ATRN: variants seen among roughly 807,000 people sequenced by gnomAD.
ATRN encodes the protein attractin, also known as attractin-2.
A neutral mutation model predicts 178.7 loss-of-function variants in ATRN; 54 were observed. That is an observed-to-expected ratio of 0.30 (90% CI 0.24 to 0.38). The LOEUF is 0.38. Among genes scored for constraint, ATRN ranks in the 10% least tolerant of loss-of-function variants. The pLI is 1.00. For synonymous variants in ATRN, 636 were observed against 663.0 expected (o/e 0.96, Z 0.63); for missense variants, 1,443 against 1,815.1 (o/e 0.79, Z 3.73).
At chr20:3,554,833 A>G (rs1050566625) in intron 6 of ATRN, among the ~76,000 whole-genome samples, 18 of 151,976 alleles carry the variant, frequency 1.2e-4, no homozygotes, top group Non-Finnish European at 2.4e-4. Context: ...TTGAAACTTC[A>G]TTACCAAATT....
At chr20:3,634,416 G>T (rs1277334535) in intron 26 of ATRN, 27 bp downstream of exon 26, 2 of 1,594,142 alleles carry the variant, frequency 1.3e-6, no homozygotes, top group African/African-American at 2.7e-5. Flanking sequence ...AAAGATTAAA[G>T]AATCCCTGGA....
intron 25 of ATRN, 52 bp downstream of exon 25, chr20:3,624,624 C>A: frequency 1.5e-6 from 2 of 1,362,930 alleles, no homozygotes; most frequent in Non-Finnish European, 2.1e-6. Flanking sequence ...GGCACTAGAT[C>A]CATTAATAGA....
chr20:3,476,529 C>T lies in ATRN; in HGVS notation c.410+5012C>T, dbSNP rs891634221. On this transcript the variant is annotated intron_variant, in intron 1 of 28. Coordinates refer to ENST00000262919, the MANE Select transcript of ATRN (RefSeq NM_139321.3). ...AATTCACTTCAGTCTCTCTGGCTGA[C>T]GATCTGAGGACATAAATACCTTTTT... Among the ~76,000 whole-genome samples, 20 of 152,328 alleles carry T rather than the reference C, an allele frequency of 1.3e-4. 1 individual carries two copies. The highest frequency in any genetic ancestry group is 4.3e-4 in the African/African-American group (18 of 41,582).
Position 3,578,726 on chromosome 20 carries a change from A to C in ATRN, c.2498A>C (p.Glu833Ala), listed in dbSNP as rs1406492351. The C allele has an allele frequency of 1.2e-6, 2 of 1,614,004 alleles. No homozygotes were observed. The highest frequency in any genetic ancestry group is 1.7e-6 in the Non-Finnish European group (2 of 1,180,010). ...LASLTTQKKV[E>A]FVLKQLRIMQ... is the part of the protein sequence containing the mutation. ...TCTCTTACAACCCAGAAGAAGGTAG[A>C]ATTTGTCCTTAAGCAGCTGCGAATA... is the stretch of plus-strand genomic sequence containing the variant. Residue 833 changes from glutamate (E) to alanine (A), a missense_variant, in exon 15 of 29, where the codon GAA becomes GCA. Physicochemically the swap from Glu to Ala is moderately radical, Grantham distance 107 (BLOSUM62 -1). This residue lies in a region of ATRN where 212 missense variants were observed against 330.7 expected (regional missense o/e 0.64). Coordinates refer to ENST00000262919, the MANE Select transcript of ATRN (RefSeq NM_139321.3).
At chr20:3,639,707 A>T (rs1484550249) in intron 27 of ATRN, among the ~76,000 whole-genome samples, 1 of 152,182 alleles carries the variant, frequency 6.6e-6, no homozygotes, top group Non-Finnish European at 1.5e-5. Flanking sequence ...AATATTTAAG[A>T]TACGCTGGAG....
intron 26 of ATRN, among the ~76,000 whole-genome samples, chr20:3,637,111 T>C (rs1437666381): frequency 1.3e-5 from 2 of 152,178 alleles, no homozygotes; most frequent in Non-Finnish European, 2.9e-5. Context: ...ATGTGTTTAG[T>C]ATGGAGTTGG....
rs1053528268 is a variant in ATRN, at chr20:3,597,850, C to G, written c.3470-56C>G. 16 of 1,089,606 alleles carry G rather than the reference C, an allele frequency of 1.5e-5. No homozygotes were observed. In the East Asian group the frequency reaches 3.8e-4, roughly 26 times the overall value. The allele number at this position is 1,089,606 out of a possible 1,614,324, so 67.5% of individuals were successfully genotyped here. A position where few individuals can be genotyped will look rare whatever the true frequency, so the allele number is the denominator to read the frequency against. ...GAAAAGCAGCCTGTATCTCTAAAGA[C>G]CTGTTCTATTTTGTGTGTGTTTAGT... On this transcript the variant is annotated intron_variant, in intron 21 of 28. Transcript: ENST00000262919.
intron 2 of ATRN, among the ~76,000 whole-genome samples, chr20:3,537,246 T>C (rs941345607): frequency 6.6e-6 from 1 of 152,212 alleles, no homozygotes; most frequent in South Asian, 2.1e-4. Context: ...CAGCAAATAC[T>C]GTCAGTTGTT....
intron 23 of ATRN, 126 bp from the exon 24 acceptor site, chr20:3,603,979 G>T: frequency 2.7e-6 from 2 of 732,554 alleles, no homozygotes; most frequent in Non-Finnish European, 2.1e-6. Flanking sequence ...GCTCTTAAAG[G>T]CTATTACTGG....
chr20:3,630,964 T>TTTTTTTTTTTTTTTTTTTTTTTTTTTTG (rs1307722255), intron 25 of ATRN, among the ~76,000 whole-genome samples: 2 of 73,430 alleles, frequency 2.7e-5, no homozygotes, highest in Non-Finnish European at 2.5e-5. Context: ...TTTTTTTTTT[T>TTTTTTTTTTTTTTTTTTTTTTTTTTTTG]GGGATAGGGT....
chr20:3,501,060 A>G (rs1253306411), intron 1 of ATRN, among the ~76,000 whole-genome samples: 1 of 152,158 alleles, frequency 6.6e-6, no homozygotes, highest in East Asian at 1.9e-4. Context: ...CCTCAAGGAC[A>G]AAGAACTGCA....
In ATRN at chr20:3,614,438, G is replaced by A. The variant is rs962612597; in HGVS notation, c.3802-10073G>A. On this transcript the variant is annotated intron_variant, in intron 24 of 28. Transcript: ENST00000262919. ...ATGTGGAGCTAATATAGAAGTCTGC[G>A]TGCTGGGTGTTTCATCTACTGTTTT... Among the ~76,000 whole-genome samples the A allele has an allele frequency of 9.9e-5, 15 of 152,152 alleles. No individual in the cohort carries two copies. In the East Asian group the frequency reaches 2.3e-3, roughly 23 times the overall value.
At chr20:3,530,340 T>C (rs2085435200) in intron 1 of ATRN, among the ~76,000 whole-genome samples, 1 of 150,668 alleles carries the variant, frequency 6.6e-6, no homozygotes, top group South Asian at 2.1e-4. Context: ...CTCAGCTCAC[T>C]GCAGCCTCTG....
chr20:3,584,789 C>T lies in ATRN; in HGVS notation c.3093C>T (p.Ala1031=). ...YKGPVKMPSQ[A]PTGNFYPQPL... The stretch of plus-strand genomic sequence containing the variant: ...GACCAGTGAAGATGCCTTCGCAAGC[C>T]CCTACAGGAAATTTCTATCCACAGC... Residue 1031 remains alanine (A), a synonymous_variant, in exon 18 of 29, where the codon GCC becomes GCT. Transcript: ENST00000262919. 1 of 1,614,118 alleles carries T rather than the reference C, an allele frequency of 6.2e-7. No homozygotes were observed. The highest frequency in any genetic ancestry group is 1.1e-5 in the South Asian group (1 of 91,078).
At chr20:3,562,182 G>A in intron 8 of ATRN, 94 bp from the exon 9 acceptor site, 1 of 1,084,826 alleles carries the variant, frequency 9.2e-7, no homozygotes, top group Non-Finnish European at 1.3e-6. Flanking sequence ...CAGGTCTCCT[G>A]AAATCCATTC....
At chr20:3,582,434 G>A in intron 16 of ATRN, 80 bp downstream of exon 16, 2 of 1,261,214 alleles carry the variant, frequency 1.6e-6, no homozygotes, top group Middle Eastern at 2.7e-4. Context: ...TTGCTGAGAT[G>A]TGTGAAGTAG....
intron 8 of ATRN, among the ~76,000 whole-genome samples, chr20:3,562,059 A>G (rs551277468): frequency 1.3e-5 from 2 of 152,290 alleles, no homozygotes; most frequent in South Asian, 2.1e-4. Flanking sequence ...TTCTTTTCCT[A>G]CATGGCATAT....
intron 13 of ATRN, among the ~76,000 whole-genome samples, chr20:3,576,482 T>TGCGCCACTGCACTCCAGCCTGGGCGACAG (rs1555819373): frequency 6.6e-6 from 1 of 152,114 alleles, no homozygotes; most frequent in Non-Finnish European, 1.5e-5. Context: ...ATACAGTTCA[T>TGCGCCACTGCACTCCAGCCTGGGCGACAG]AAAATAGAAA....
At chr20:3,539,881 G>T (rs2085594228) in intron 2 of ATRN, among the ~76,000 whole-genome samples, 1 of 152,162 alleles carries the variant, frequency 6.6e-6, no homozygotes, top group Non-Finnish European at 1.5e-5. Context: ...GGATTGGCAG[G>T]CATGTTTATG....
Sources: allele counts gnomAD v4.1 joint callset (sites outside exome capture counted in the v4.1 genomes callset), GRCh38; gene constraint gnomAD v4.1.1; regional missense constraint gnomAD v4.1.1; transcripts MANE v1.5; gene names NCBI Gene and HGNC (gene_info 2026-07-23, HGNC 2026-07-21).